The following FBXO34 variants were observed in gnomAD, a reference collection of about 807,000 sequenced individuals.
FBXO34 encodes F-box protein 34.
Under a neutral mutation model 24.5 loss-of-function variants are expected in FBXO34, and 12 were observed. The ratio of observed to expected loss-of-function variants is 0.49; its 90% CI spans 0.31 to 0.79. FBXO34 has a LOEUF of 0.79. Among genes scored for constraint, FBXO34 ranks in the 30% least tolerant of loss-of-function variants. FBXO34 has a pLI of 0.04. For synonymous variants in FBXO34, 320 were observed against 311.9 expected, an observed-to-expected ratio of 1.03 and a Z score of -0.27; for missense variants, 823 against 857.7, an observed-to-expected ratio of 0.96 and a Z score of 0.51.
At chr14:55,398,423 T>C in the FBXO34 span, among the ~76,000 whole-genome samples, 1 of 152,234 alleles carries the variant, frequency 6.6e-6, no homozygotes, top group African/African-American at 2.4e-5. Flanking sequence ...AATCTCCTTC[T>C]ATGCACTGTT....
chr14:55,293,124 C>G (rs1393244304), intron 1 of FBXO34, among the ~76,000 whole-genome samples: 2 of 150,968 alleles, frequency 1.3e-5, no homozygotes, highest in Admixed American at 1.3e-4. Flanking sequence ...CTCAGGTGAT[C>G]TACTCGCCTT....
chr14:55,403,543 C>A, the FBXO34 span, among the ~76,000 whole-genome samples: 1 of 149,222 alleles, frequency 6.7e-6, no homozygotes, highest in African/African-American at 2.5e-5. Flanking sequence ...CATATATAAT[C>A]TTTTTTTTTT....
At chr14:55,392,566 T>A in the FBXO34 span, among the ~76,000 whole-genome samples, 2 of 151,152 alleles carry the variant, frequency 1.3e-5, no homozygotes, top group African/African-American at 4.9e-5. Flanking sequence ...GGAGAATCGC[T>A]TGAGCCCAGG....
In FBXO34 at chr14:55,351,216, C is replaced by G. The variant is rs1242511783; in HGVS notation, c.826C>G (p.Pro276Ala). 1 of 1,614,194 alleles carries G rather than the reference C, an allele frequency of 6.2e-7. No homozygotes were observed. Residue 276 changes from proline to alanine, a missense_variant, in exon 2 of 2, where the codon CCA becomes GCA. This residue lies in a region of FBXO34 where 693 missense variants were observed against 659.1 expected (regional missense o/e 1.05). Coordinates refer to ENST00000313833, the MANE Select transcript of FBXO34 (RefSeq NM_017943.4). The stretch of plus-strand genomic sequence containing the variant: ...TGAGGTTGGTGAACCACAGAGCGAA[C>G]CAGTCCGTGTCCTTGACATGGTAGC... ...NLEVGEPQSE[P>A]VRVLDMVAKL...
chr14:55,440,499 G>T, the FBXO34 span: 2 of 1,612,168 alleles, frequency 1.2e-6, no homozygotes. Context: ...GGGTAAGCGC[G>T]GAGCGAGCAG....
chr14:55,379,997 A>G, the FBXO34 span, among the ~76,000 whole-genome samples: 2 of 152,224 alleles, frequency 1.3e-5, no homozygotes, highest in Non-Finnish European at 2.9e-5. Flanking sequence ...CTGTAATCCC[A>G]GCACTTTGGG....
At chr14:55,354,602 C>G (rs1884492216), downstream of FBXO34, 1 of 152,192 alleles carries the variant, frequency 6.6e-6, no homozygotes, top group Non-Finnish European at 1.5e-5. Context: ...ATGTCCCAGC[C>G]CCAGTTGGCA....
At chr14:55,413,618 T>A in the FBXO34 span, 3 of 443,064 alleles carry the variant, frequency 6.8e-6, no homozygotes, top group East Asian at 1.8e-4. Flanking sequence ...TGGTTCTAAG[T>A]GCTTGTCTGG....
At chr14:55,321,652 C>T (rs1883137794) in intron 1 of FBXO34, among the ~76,000 whole-genome samples, 1 of 152,208 alleles carries the variant, frequency 6.6e-6, no homozygotes, top group Non-Finnish European at 1.5e-5. Flanking sequence ...CCGCCTCAGC[C>T]TCCCAAAGTG....
the FBXO34 span, chr14:55,433,728 C>A: frequency 1.2e-6 from 2 of 1,612,550 alleles, no homozygotes; most frequent in Non-Finnish European, 1.7e-6. Flanking sequence ...ACCTCTATAC[C>A]CAGAAACCAA....
At chr14:55,377,347 CAAAAA>C in the FBXO34 span, among the ~76,000 whole-genome samples, 1 of 144,426 alleles carries the variant, frequency 6.9e-6, no homozygotes, top group Non-Finnish European at 1.5e-5. Context: ...AACCCCATCT[CAAAAA>C]AAAAAGGAAA....
At chr14:55,386,066 T>C in the FBXO34 span, 1 of 1,610,842 alleles carries the variant, frequency 6.2e-7, no homozygotes, top group Non-Finnish European at 8.5e-7. Flanking sequence ...CTTCTGATTC[T>C]TTTCCTTGGT....
At chr14:55,408,341 G>A in the FBXO34 span, among the ~76,000 whole-genome samples, 2 of 152,098 alleles carry the variant, frequency 1.3e-5, no homozygotes, top group African/African-American at 2.4e-5. Flanking sequence ...TGTAGTCCCA[G>A]ATACCAGGGA....
downstream of FBXO34, chr14:55,368,209 T>G (rs1304033686): frequency 1.3e-5 from 2 of 152,504 alleles, no homozygotes; most frequent in African/African-American, 4.8e-5. Context: ...GAAAATGATC[T>G]CCTGCTGAGG....
the FBXO34 span, chr14:55,433,735 C>T: frequency 1.2e-6 from 2 of 1,611,800 alleles, no homozygotes; most frequent in Admixed American, 3.4e-5. Flanking sequence ...TACCCAGAAA[C>T]CAAAAGAGAA....
At chr14:55,362,811 C>A (rs1035936301), downstream of FBXO34, among the ~76,000 whole-genome samples, 3 of 152,114 alleles carry the variant, frequency 2.0e-5, no homozygotes, top group Non-Finnish European at 2.9e-5. Flanking sequence ...AACATACTTA[C>A]ACTCCAGAAA....
At chr14:55,438,513 C>G in the FBXO34 span, among the ~76,000 whole-genome samples, 88,131 of 151,410 alleles carry the variant, frequency 0.58, 25,663 homozygotes, top group Admixed American at 0.65. Flanking sequence ...GGGTCTCCTC[C>G]CGCAATTTAC....
At chr14:55,331,042 G>A (rs1384750013) in intron 1 of FBXO34, among the ~76,000 whole-genome samples, 1 of 152,170 alleles carries the variant, frequency 6.6e-6, no homozygotes, top group Non-Finnish European at 1.5e-5. Context: ...CAAACTGTGG[G>A]ATTTGAATAG....
intron 1 of FBXO34, among the ~76,000 whole-genome samples, chr14:55,285,901 A>G (rs1881745501): frequency 6.6e-6 from 1 of 152,194 alleles, no homozygotes; most frequent in African/African-American, 2.4e-5. Flanking sequence ...GGACTCTTGC[A>G]TAAGTCCCTT....
Sources: allele counts gnomAD v4.1 joint callset (sites outside exome capture counted in the v4.1 genomes callset), GRCh38; gene constraint gnomAD v4.1.1; regional missense constraint gnomAD v4.1.1; transcripts MANE v1.5; gene names NCBI Gene and HGNC (gene_info 2026-07-23, HGNC 2026-07-21).